MAGI2: variants seen among roughly 807,000 people sequenced by gnomAD.
MAGI2 encodes the protein membrane associated guanylate kinase, WW and PDZ domain containing 2, also known as membrane-associated guanylate kinase, WW and PDZ domain-containing protein 2.
A neutral mutation model predicts 133.3 loss-of-function variants in MAGI2; 35 were observed. The observed-to-expected ratio is 0.26, with a 90% CI of 0.20 to 0.35. The LOEUF (loss-of-function observed/expected upper bound fraction) is 0.35. MAGI2 is among the 10% of genes least tolerant of loss of function. The pLI is 1.00. For missense variants in MAGI2, 1,636 were observed against 1,863.4 expected, an observed-to-expected ratio of 0.88 and a Z score of 2.25; for synonymous variants, 729 against 710.6, an observed-to-expected ratio of 1.03 and a Z score of -0.41.
intron 2 of MAGI2, among the ~76,000 whole-genome samples, chr7:78,653,725 T>C (rs1191274280): frequency 2.7e-5 from 4 of 150,474 alleles, no homozygotes; most frequent in South Asian, 2.1e-4. Flanking sequence ...TGTACACCTA[T>C]GTAATAAACC....
intron 1 of MAGI2, among the ~76,000 whole-genome samples, chr7:79,391,592 T>C (rs1411824515): frequency 1.3e-5 from 2 of 148,944 alleles, no homozygotes. Flanking sequence ...CCAGGCTACA[T>C]GTGCAGAGTG....
intron 2 of MAGI2, among the ~76,000 whole-genome samples, chr7:78,909,117 G>GA (rs377390532): frequency 0.015 from 1,692 of 110,348 alleles, 16 homozygotes; most frequent in South Asian, 0.04. Flanking sequence ...AAATGTACAA[G>GA]AAAAAAAAAA....
At chr7:78,292,276 T>C (rs1430314759) in intron 9 of MAGI2, among the ~76,000 whole-genome samples, 4 of 152,168 alleles carry the variant, frequency 2.6e-5, no homozygotes, top group African/African-American at 9.7e-5. Flanking sequence ...ACAAGCATTC[T>C]TATACACCAA....
At chr7:79,356,521 G>GA (rs1842029755) in intron 1 of MAGI2, among the ~76,000 whole-genome samples, 1 of 151,994 alleles carries the variant, frequency 6.6e-6, no homozygotes, top group South Asian at 2.1e-4. Flanking sequence ...TTAATTTTTA[G>GA]AAAAAACATG....
intron 1 of MAGI2, among the ~76,000 whole-genome samples, chr7:79,115,686 A>G (rs553566519): frequency 3.0e-4 from 45 of 152,192 alleles, no homozygotes; most frequent in African/African-American, 9.6e-4. Context: ...AGCTGGTGAA[A>G]TAAAAATAGA....
At chr7:78,739,588 AAATAGTATT>A (rs1465830195) in intron 2 of MAGI2, among the ~76,000 whole-genome samples, 6 of 152,156 alleles carry the variant, frequency 3.9e-5, no homozygotes, top group Admixed American at 3.9e-4. Flanking sequence ...CCTCTAACAA[AAATAGTATT>A]AATTTATCTT....
At chr7:78,626,475 T>C (rs1381602978) in intron 3 of MAGI2, among the ~76,000 whole-genome samples, 1 of 152,198 alleles carries the variant, frequency 6.6e-6, no homozygotes, top group African/African-American at 2.4e-5. Context: ...GAAGCCTAGT[T>C]TGAAACAGAG....
At chr7:79,374,687 GCA>G (rs1843273258) in intron 1 of MAGI2, among the ~76,000 whole-genome samples, 1 of 151,800 alleles carries the variant, frequency 6.6e-6, no homozygotes, top group African/African-American at 2.4e-5. Flanking sequence ...AAGAAGAAAT[GCA>G]CACTTTTACT....
intron 1 of MAGI2, among the ~76,000 whole-genome samples, chr7:79,356,476 CA>C (rs953494231): frequency 2.0e-5 from 3 of 151,738 alleles, no homozygotes; most frequent in African/African-American, 7.3e-5. Flanking sequence ...AAATGAAAAG[CA>C]AAAAAAGTTT....
intron 2 of MAGI2, among the ~76,000 whole-genome samples, chr7:78,920,381 A>T (rs1799134515): frequency 6.6e-6 from 1 of 152,158 alleles, no homozygotes; most frequent in Non-Finnish European, 1.5e-5. Flanking sequence ...GTACTCAATA[A>T]ATCTTTGTAT....
chr7:78,575,104 C>A (rs769049963), intron 3 of MAGI2, among the ~76,000 whole-genome samples: 2 of 151,992 alleles, frequency 1.3e-5, no homozygotes, highest in Non-Finnish European at 2.9e-5. Flanking sequence ...ACTGAAGTAA[C>A]AACACAGGGT....
chr7:78,891,874 G>T (rs1388678011), intron 2 of MAGI2, among the ~76,000 whole-genome samples: 2 of 152,128 alleles, frequency 1.3e-5, no homozygotes, highest in Non-Finnish European at 2.9e-5. Context: ...GGAAGTTCTG[G>T]CCAGGGCAAT....
At chr7:78,792,081 T>A (rs61000061) in intron 2 of MAGI2, among the ~76,000 whole-genome samples, 6,541 of 152,210 alleles carry the variant, frequency 0.043, 399 homozygotes, top group African/African-American at 0.14. Flanking sequence ...TCATTAGGAA[T>A]AAGCCTAGAT....
intron 2 of MAGI2, among the ~76,000 whole-genome samples, chr7:78,857,651 T>C (rs504354): frequency 0.54 from 81,372 of 152,070 alleles, 22,211 homozygotes; most frequent in East Asian, 0.71. Flanking sequence ...TGGATTTGGT[T>C]TGCCAGTATT....
At chr7:78,518,318 T>G (rs1038126173) in intron 4 of MAGI2, 1 of 152,170 alleles carries the variant, frequency 6.6e-6, no homozygotes, top group Non-Finnish European at 1.5e-5. Flanking sequence ...ATGCTTGTAT[T>G]TGGTTATATA....
intron 1 of MAGI2, among the ~76,000 whole-genome samples, chr7:79,355,357 AAAAAC>A (rs376407783): frequency 1.3e-5 from 2 of 152,234 alleles, no homozygotes; most frequent in African/African-American, 4.8e-5. Flanking sequence ...AAAAACAAAC[AAAAAC>A]AAAACAGGAG....
intron 1 of MAGI2, among the ~76,000 whole-genome samples, chr7:79,280,566 C>T (rs930102077): frequency 2.0e-5 from 3 of 151,964 alleles, no homozygotes; most frequent in Non-Finnish European, 4.4e-5. Flanking sequence ...TGCAGCAATA[C>T]ATTTTTTTAA....
intron 6 of MAGI2, among the ~76,000 whole-genome samples, chr7:78,373,182 A>G (rs1231745286): frequency 1.3e-5 from 2 of 152,128 alleles, no homozygotes; most frequent in Non-Finnish European, 2.9e-5. Context: ...ATATTCAATA[A>G]AGTAGCTGAC....
At chr7:78,881,246 C>A (rs2151543990) in intron 2 of MAGI2, among the ~76,000 whole-genome samples, 1 of 152,088 alleles carries the variant, frequency 6.6e-6, no homozygotes, top group East Asian at 1.9e-4. Context: ...TAGACCGCAC[C>A]ACCAATCAAC....
Sources: allele counts gnomAD v4.1 joint callset (sites outside exome capture counted in the v4.1 genomes callset), GRCh38; gene constraint gnomAD v4.1.1; transcripts MANE v1.5; gene names NCBI Gene and HGNC (gene_info 2026-07-23, HGNC 2026-07-21).